The following SGCD variants were observed in gnomAD, a reference collection of about 807,000 sequenced individuals.
SGCD encodes the protein delta-sarcoglycan.
SGCD carries 18 observed loss-of-function variants against 36.6 expected under a neutral mutation model. The ratio of observed to expected loss-of-function variants is 0.49; its 90% confidence interval spans 0.34 to 0.73. The LOEUF is 0.73. Among genes scored for constraint, SGCD ranks in the 30% least tolerant of loss-of-function variants. The probability of loss-of-function intolerance (pLI) is 0.01; values close to 1 mark genes in which losing one functional copy is unlikely to be tolerated. For missense variants in SGCD, 387 were observed against 346.7 expected, an observed-to-expected ratio of 1.12 and a Z score of -0.92; for synonymous variants, 133 against 130.6, an observed-to-expected ratio of 1.02 and a Z score of -0.12.
At chr5:156,394,374 G>T (rs1771744783) in intron 3 of SGCD, among the ~76,000 whole-genome samples, 1 of 152,116 alleles carries the variant, frequency 6.6e-6, no homozygotes, top group African/African-American at 2.4e-5. Context: ...TAAATTAAAA[G>T]GATTAATATA....
At chr5:155,753,978 A>C in the SGCD span, among the ~76,000 whole-genome samples, 4 of 152,006 alleles carry the variant, frequency 2.6e-5, no homozygotes, top group Admixed American at 2.6e-4. Context: ...CTGTCATTCC[A>C]TATCGTCTTG....
At chr5:155,737,324 G>A in the SGCD span, among the ~76,000 whole-genome samples, 3 of 152,020 alleles carry the variant, frequency 2.0e-5, no homozygotes, top group Admixed American at 2.0e-4. Flanking sequence ...CCTTACTATG[G>A]GTAATTTAAT....
At chr5:156,672,390 G>T (rs911079390) in intron 7 of SGCD, among the ~76,000 whole-genome samples, 16 of 152,114 alleles carry the variant, frequency 1.1e-4, no homozygotes, top group Non-Finnish European at 4.4e-5. Flanking sequence ...ACAGTCTCTA[G>T]GGGTCTTATG....
intron 1 of SGCD, among the ~76,000 whole-genome samples, chr5:155,944,587 G>A (rs879830606): frequency 6.6e-6 from 1 of 152,184 alleles, no homozygotes; most frequent in Non-Finnish European, 1.5e-5. Flanking sequence ...AATCAGCGCT[G>A]TTGTTACAGT....
chr5:156,459,222 A>G (rs1581024862), intron 3 of SGCD, among the ~76,000 whole-genome samples: 1 of 152,120 alleles, frequency 6.6e-6, no homozygotes, highest in Admixed American at 6.6e-5. Context: ...TGTGGCTTAC[A>G]CTATTCTGAG....
intron 4 of SGCD, among the ~76,000 whole-genome samples, chr5:156,582,710 C>T (rs10077734): frequency 6.6e-6 from 1 of 152,090 alleles, no homozygotes; most frequent in Non-Finnish European, 1.5e-5. Flanking sequence ...TTTATGTCTC[C>T]TTCTGATTTC....
chr5:156,093,511 C>T (rs1417836197), intron 1 of SGCD, among the ~76,000 whole-genome samples: 12 of 152,192 alleles, frequency 7.9e-5, no homozygotes, highest in Admixed American at 7.2e-4. Context: ...GAGGGATCCT[C>T]ATTCATCTTT....
chr5:155,830,478 G>A, the SGCD span, among the ~76,000 whole-genome samples: 22 of 152,168 alleles, frequency 1.4e-4, no homozygotes, highest in African/African-American at 4.8e-4. Flanking sequence ...TTTAACATAC[G>A]AATTTTAGGG....
chr5:156,152,400 A>G (rs1459488921), intron 3 of SGCD, among the ~76,000 whole-genome samples: 2 of 151,648 alleles, frequency 1.3e-5, no homozygotes, highest in African/African-American at 4.9e-5. Context: ...TTCTGTACAT[A>G]AGTCATTTAA....
chr5:156,694,609 C>A (rs1383029236), intron 7 of SGCD, among the ~76,000 whole-genome samples: 1 of 151,784 alleles, frequency 6.6e-6, no homozygotes, highest in Non-Finnish European at 1.5e-5. Flanking sequence ...AAAACCAGAC[C>A]CTGGTACTTT....
intron 4 of SGCD, among the ~76,000 whole-genome samples, chr5:156,572,480 T>C (rs1561786761): frequency 6.6e-6 from 1 of 152,196 alleles, no homozygotes. Flanking sequence ...TTTAGCCTCA[T>C]TTTAACTTAC....
chr5:155,930,253 G>A (rs1580996323), intron 1 of SGCD, among the ~76,000 whole-genome samples: 1 of 152,090 alleles, frequency 6.6e-6, no homozygotes, highest in South Asian at 2.1e-4. Flanking sequence ...AGAGTCCTTT[G>A]CCCAAGAAAA....
At chr5:156,139,520 A>G (rs1455457168) in intron 3 of SGCD, among the ~76,000 whole-genome samples, 5 of 152,100 alleles carry the variant, frequency 3.3e-5, no homozygotes, top group Non-Finnish European at 4.4e-5. Flanking sequence ...GTCCTTGCTC[A>G]TCTAGGAAAT....
intron 7 of SGCD, among the ~76,000 whole-genome samples, chr5:156,726,244 A>G (rs1755767296): frequency 6.6e-6 from 1 of 152,212 alleles, no homozygotes; most frequent in Non-Finnish European, 1.5e-5. Flanking sequence ...GACCCTAAAT[A>G]AAACTGCCCC....
chr5:156,639,222 T>C (rs1762940721), intron 6 of SGCD, among the ~76,000 whole-genome samples: 1 of 152,192 alleles, frequency 6.6e-6, no homozygotes, highest in African/African-American at 2.4e-5. Flanking sequence ...AATAGGTTTA[T>C]GAGAGAAGTA....
intron 1 of SGCD, among the ~76,000 whole-genome samples, chr5:156,105,438 T>C (rs1389872896): frequency 2.6e-5 from 4 of 152,188 alleles, no homozygotes; most frequent in Non-Finnish European, 5.9e-5. Flanking sequence ...AAGTAAATAA[T>C]TAATGTTATT....
At chr5:156,323,729 A>T (rs1284245427), upstream of SGCD, among the ~76,000 whole-genome samples, 1 of 152,222 alleles carries the variant, frequency 6.6e-6, no homozygotes, top group Non-Finnish European at 1.5e-5. Flanking sequence ...TTAGAACATT[A>T]AAAGTGGAAG....
At chr5:156,329,745 C>T (rs1046569614) in intron 2 of SGCD, among the ~76,000 whole-genome samples, 166 bp downstream of exon 2, 2 of 152,074 alleles carry the variant, frequency 1.3e-5, no homozygotes, top group South Asian at 2.1e-4. Context: ...AGGCCAGGCA[C>T]GGTGGCTCAC....
intron 1 of SGCD, among the ~76,000 whole-genome samples, chr5:155,964,923 G>A (rs6556228): frequency 0.33 from 50,446 of 151,996 alleles, 8,664 homozygotes; most frequent in African/African-American, 0.42. Flanking sequence ...GAATGCCAAT[G>A]TAGATTTAGC....
Sources: gnomAD v4.1 joint callset for allele counts (sites outside exome capture counted in the v4.1 genomes callset) on GRCh38, gnomAD v4.1.1 for gene constraint, MANE v1.5 for transcripts, NCBI Gene and HGNC (gene_info 2026-07-23, HGNC 2026-07-21) for gene names.